Variants in SCML4 observed in about 807,000 individuals in gnomAD.
The protein encoded by SCML4 is Scm polycomb group protein like 4.
A neutral mutation model predicts 41.1 loss-of-function variants in SCML4; 34 were observed. The observed-to-expected ratio is 0.83, with a 90% CI of 0.63 to 1.10. The LOEUF is 1.10. SCML4 is among the 50% of genes least tolerant of loss of function. The pLI is 0.00. For synonymous variants in SCML4, 214 were observed against 220.9 expected, an observed-to-expected ratio of 0.97 and a Z score of 0.28; for missense variants, 522 against 534.1, an observed-to-expected ratio of 0.98 and a Z score of 0.22.
chr6:107,836,101 C>T, the SCML4 span, among the ~76,000 whole-genome samples: 2 of 152,014 alleles, frequency 1.3e-5, no homozygotes, highest in African/African-American at 4.8e-5. Context: ...GCAATTTTTG[C>T]TCCTGTTTTT....
chr6:107,708,526 G>A (rs115967279), intron 6 of SCML4, among the ~76,000 whole-genome samples: 191 of 152,264 alleles, frequency 1.3e-3, no homozygotes, highest in African/African-American at 4.5e-3. Context: ...GTGGCTTTTC[G>A]TTCTTCTCCA....
intron 1 of SCML4, among the ~76,000 whole-genome samples, chr6:107,799,640 C>T (rs1455247688): frequency 6.6e-6 from 1 of 152,008 alleles, no homozygotes; most frequent in South Asian, 2.1e-4. Flanking sequence ...TCTTTTCCTG[C>T]CTTCTTTTGA....
chr6:107,828,498 C>A (rs764884374), upstream of SCML4, among the ~76,000 whole-genome samples: 2 of 152,168 alleles, frequency 1.3e-5, no homozygotes, highest in South Asian at 2.1e-4. Context: ...AAAAAGTGTC[C>A]TTTCTCTCAT....
intron 2 of SCML4, among the ~76,000 whole-genome samples, chr6:107,771,678 T>C (rs1780531364): frequency 6.6e-6 from 1 of 152,216 alleles, no homozygotes; most frequent in Non-Finnish European, 1.5e-5. Flanking sequence ...TCATTATGAC[T>C]CTCTGTGTTG....
At position 107,755,802 on chromosome 6, in the gene SCML4, A is replaced by C. The variant is rs548203643; in HGVS notation, c.157-5989T>G. 16 of 278,170 alleles carry C rather than the reference A, an allele frequency of 5.8e-5. No individual in the cohort carries two copies. The East Asian group carries it at 1.3e-3, about 23-fold the overall frequency. The allele number at this position is 278,170 out of a possible 1,614,324, so 17.2% of individuals were successfully genotyped here. A position where few individuals can be genotyped will look rare whatever the true frequency, so the allele number is the denominator to read the frequency against. On this transcript the variant is annotated intron_variant, in intron 2 of 7. Coordinates refer to ENST00000369020, the MANE Select transcript of SCML4 (RefSeq NM_198081.5). ...TGCAGACATGGCTGATTTTAGGATT[A>C]GGGTAGGGATTACACACTGGGAGCC...
At chr6:107,813,769 T>C (rs1205158649) in intron 1 of SCML4, among the ~76,000 whole-genome samples, 2 of 152,098 alleles carry the variant, frequency 1.3e-5, no homozygotes. Flanking sequence ...ATTTTGTGAG[T>C]CAGGAATTCA....
At chr6:107,757,011 G>A (rs575576460) in intron 2 of SCML4, among the ~76,000 whole-genome samples, 16 of 152,278 alleles carry the variant, frequency 1.1e-4, no homozygotes, top group South Asian at 4.2e-4. Flanking sequence ...CAGGTGTGGC[G>A]ACCCCTCATC....
In SCML4 at chr6:107,707,940, C is replaced by T; in HGVS notation, c.1045G>A (p.Glu349Lys). The T allele has an allele frequency of 1.3e-6, 2 of 1,551,686 alleles. No homozygotes were observed. The highest frequency in any genetic ancestry group is 1.4e-5 in the African/African-American group (1 of 73,164). The change falls in exon 7 of 8, where the codon GAG (glutamate) becomes AAG (lysine). Residue 349 changes from glutamate to lysine, a missense_variant. Glu to Lys is a moderately conservative substitution (Grantham distance 56, BLOSUM62 1). Transcript: ENST00000369020. ...TCCTTCACAAACCACACCACGTCCT[C>T]CACAGTCCAGGCGGAGGGGTTCCTG... ...RSRNPSAWTV[E>K]DVVWFVKDAD...
chr6:107,801,493 C>T (rs1307936902), intron 1 of SCML4, among the ~76,000 whole-genome samples: 1 of 152,192 alleles, frequency 6.6e-6, no homozygotes, highest in African/African-American at 2.4e-5. Context: ...GAGCTCATTT[C>T]TCTCCAGAAT....
chr6:107,715,446 T>C (rs1441907780), intron 6 of SCML4, among the ~76,000 whole-genome samples: 1 of 151,312 alleles, frequency 6.6e-6, no homozygotes, highest in African/African-American at 2.4e-5. Flanking sequence ...TGGGTTGTAA[T>C]AGCAATATCA....
chr6:107,760,727 T>C (rs530426591), intron 2 of SCML4, among the ~76,000 whole-genome samples: 2 of 152,024 alleles, frequency 1.3e-5, no homozygotes, highest in Non-Finnish European at 2.9e-5. Context: ...AGGAAGCAAA[T>C]AACTAAAGAA....
chr6:107,808,985 C>G (rs1487837498), intron 1 of SCML4, among the ~76,000 whole-genome samples: 1 of 152,108 alleles, frequency 6.6e-6, no homozygotes, highest in Non-Finnish European at 1.5e-5. Context: ...TGATAGTGTC[C>G]CCTCCAAAAT....
intron 2 of SCML4, among the ~76,000 whole-genome samples, chr6:107,768,171 C>T (rs566908764): frequency 8.6e-5 from 13 of 151,912 alleles, no homozygotes; most frequent in African/African-American, 3.1e-4. Flanking sequence ...AACTCAATTG[C>T]TTGACCTGGG....
intron 5 of SCML4, among the ~76,000 whole-genome samples, chr6:107,728,712 A>C (rs1364958808): frequency 6.6e-6 from 1 of 152,236 alleles, no homozygotes; most frequent in Non-Finnish European, 1.5e-5. Flanking sequence ...ATGAATTATC[A>C]GAAGGGAAAA....
rs376455585 is a variant in SCML4, at chr6:107,706,207, A to G, written c.1120-882T>C. 1.8e-4 allele frequency among the ~76,000 whole-genome samples: 27 copies of G among 152,286 alleles called. No individual in the cohort carries two copies. The East Asian group carries it at 5.0e-3, about 28-fold the overall frequency. ...CTCTCCATGTCTTTGGCAAAATGGC[A>G]GTGGGCAAGGCTTACTTGTGGGCCA... is the stretch of plus-strand genomic sequence containing the variant. On this transcript the variant is annotated intron_variant, in intron 7 of 7. Coordinates refer to ENST00000369020, the MANE Select transcript of SCML4 (RefSeq NM_198081.5).
intron 6 of SCML4, among the ~76,000 whole-genome samples, chr6:107,709,752 G>A (rs1739870): frequency 6.6e-6 from 1 of 151,958 alleles, no homozygotes; most frequent in Non-Finnish European, 1.5e-5. Flanking sequence ...CTCTTGTTGC[G>A]CAGGCTGGAG....
At chr6:107,764,198 G>A (rs898414478) in intron 2 of SCML4, among the ~76,000 whole-genome samples, 8 of 152,232 alleles carry the variant, frequency 5.3e-5, no homozygotes, top group Non-Finnish European at 1.2e-4. Flanking sequence ...GAGTCAGCCT[G>A]TAACTGGGTC....
intron 6 of SCML4, chr6:107,720,382 T>C (rs1775253371): frequency 9.6e-7 from 1 of 1,036,458 alleles, no homozygotes; most frequent in East Asian, 8.0e-5. Flanking sequence ...TGTCCCTATA[T>C]TGAGATGCAT....
chr6:107,811,418 C>T (rs1340000330), intron 1 of SCML4, among the ~76,000 whole-genome samples: 3 of 152,288 alleles, frequency 2.0e-5, no homozygotes, highest in East Asian at 3.9e-4. Context: ...TCTGAATCAG[C>T]CTACCCCTAC....
Sources: gnomAD v4.1 joint callset for allele counts (sites outside exome capture counted in the v4.1 genomes callset) on GRCh38, gnomAD v4.1.1 for gene constraint, MANE v1.5 for transcripts, NCBI Gene and HGNC (gene_info 2026-07-23, HGNC 2026-07-21) for gene names.